PPP2CB: variants seen among roughly 807,000 people sequenced by gnomAD.
PPP2CB encodes the protein serine/threonine-protein phosphatase 2A catalytic subunit beta isoform.
A neutral mutation model predicts 39.1 loss-of-function variants in PPP2CB; 18 were observed. That is an observed-to-expected ratio of 0.46 (90% CI 0.32 to 0.68). PPP2CB has a LOEUF of 0.68. Ranked by LOEUF, PPP2CB falls within the 30% of genes least tolerant of loss-of-function variation. The pLI, the probability that PPP2CB is intolerant of heterozygous loss-of-function variation, is 0.04. For missense variants in PPP2CB, 226 were observed against 396.9 expected, an observed-to-expected ratio of 0.57 and a Z score of 3.66; for synonymous variants, 129 against 133.8, an observed-to-expected ratio of 0.96 and a Z score of 0.25.
chr8:30,794,114 T>C (rs1021127108), intron 4 of PPP2CB, 36 bp from the exon 5 acceptor site: 4 of 1,603,780 alleles, frequency 2.5e-6, no homozygotes, highest in Middle Eastern at 3.3e-4. Context: ...TACAAATTAT[T>C]ATCAGTCATA....
chr8:30,795,115 TTTGA>T (rs1806498669), intron 3 of PPP2CB, among the ~76,000 whole-genome samples: 1 of 150,810 alleles, frequency 6.6e-6, no homozygotes, highest in Admixed American at 6.6e-5. Context: ...TCTTTCTGAT[TTTGA>T]TTTTTTTTTT....
chr8:30,789,854 A>G (rs1441461958), intron 6 of PPP2CB, among the ~76,000 whole-genome samples: 1 of 152,132 alleles, frequency 6.6e-6, no homozygotes, highest in East Asian at 1.9e-4. Flanking sequence ...TCTGGAGGCT[A>G]CAAGTCTGAA....
intron 1 of PPP2CB, 124 bp from the exon 2 acceptor site, chr8:30,799,879 A>G: frequency 1.5e-6 from 1 of 688,186 alleles, no homozygotes. Context: ...AAACCAAACC[A>G]CGAGATAACA....
At chr8:30,802,809 A>C (rs1260275029) in intron 1 of PPP2CB, among the ~76,000 whole-genome samples, 1 of 152,218 alleles carries the variant, frequency 6.6e-6, no homozygotes, top group Non-Finnish European at 1.5e-5. Flanking sequence ...TACATGCTAC[A>C]ATATGGAGGA....
intron 6 of PPP2CB, among the ~76,000 whole-genome samples, chr8:30,788,844 T>C (rs1412542206): frequency 6.6e-6 from 1 of 152,196 alleles, no homozygotes; most frequent in Non-Finnish European, 1.5e-5. Context: ...CACACTTCCT[T>C]GTTCTTTCCA....
chr8:30,805,741 T>C (rs936188359), intron 1 of PPP2CB, among the ~76,000 whole-genome samples: 1 of 152,192 alleles, frequency 6.6e-6, no homozygotes, highest in African/African-American at 2.4e-5. Flanking sequence ...ATAAAAACGA[T>C]TGTCTTTGTA....
At position 30,797,596 on chromosome 8, in the gene PPP2CB, A is replaced by G; in HGVS notation, c.471T>C (p.Ala157=). ...ATATACATACCTGTCCATCTACTAAAGCTGTAAGTGGAAGATAATCAAAGA... is the reference window on the plus strand; with the variant it reads ...ATATACATACCTGTCCATCTACTAAGGCTGTAAGTGGAAGATAATCAAAGA... The part of the protein sequence containing the change: ...TDLFDYLPLT[A]LVDGQIFCLH... Residue 157 remains alanine (A), a synonymous_variant, in exon 3 of 7, where the codon GCT becomes GCC. Coordinates refer to ENST00000221138, the MANE Select transcript of PPP2CB (RefSeq NM_001009552.2). 6.2e-7 allele frequency: 1 copy of G among 1,613,374 alleles called. No homozygotes were observed. Among genetic ancestry groups the G allele is most frequent in the Non-Finnish European group, 8.5e-7 (1 of 1,179,448 alleles).
chr8:30,805,853 A>G (rs1440027328), intron 1 of PPP2CB, among the ~76,000 whole-genome samples: 2 of 152,146 alleles, frequency 1.3e-5, no homozygotes, highest in Admixed American at 1.3e-4. Context: ...GCACCTCAGG[A>G]TTGTCTTTTA....
chr8:30,812,663 C>T lies in PPP2CB; in HGVS notation c.-242G>A, dbSNP rs1586130939. The T allele has an allele frequency of 2.8e-6, 1 of 358,072 alleles. No homozygotes were observed. Among genetic ancestry groups the T allele is most frequent in the East Asian group, 8.7e-5 (1 of 11,436 alleles). The allele number at this position is 358,072 out of a possible 1,614,324, so 22.2% of individuals were successfully genotyped here. A position where few individuals can be genotyped will look rare whatever the true frequency, so the allele number is the denominator to read the frequency against. ...CCCCCGCCCGCCCTTCCCCGCCCGGCCGCGCGCCGCGGGAGTCGGTGAAGG... is the reference window on the plus strand; with the variant it reads ...CCCCCGCCCGCCCTTCCCCGCCCGGTCGCGCGCCGCGGGAGTCGGTGAAGG... On this transcript the variant is annotated 5_prime_UTR_variant, in exon 1 of 7. Coordinates refer to ENST00000221138, the MANE Select transcript of PPP2CB (RefSeq NM_001009552.2).
At chr8:30,802,039 C>G (rs931015711) in intron 1 of PPP2CB, among the ~76,000 whole-genome samples, 5 of 152,136 alleles carry the variant, frequency 3.3e-5, no homozygotes, top group African/African-American at 1.2e-4. Flanking sequence ...TCTTTTGATT[C>G]TAGGCTACCA....
intron 4 of PPP2CB, 49 bp downstream of exon 4, chr8:30,794,143 G>T (rs774665742): frequency 1.2e-6 from 2 of 1,606,552 alleles, no homozygotes. Flanking sequence ...TCCTCAAAAT[G>T]TGGTTATATT....
At position 30,794,087 on chromosome 8, in the gene PPP2CB, G is replaced by C; in HGVS notation, c.577-9C>G. On this transcript the variant is annotated splice_polypyrimidine_tract_variant and intron_variant, in intron 4 of 6. Coordinates refer to ENST00000221138, the MANE Select transcript of PPP2CB (RefSeq NM_001009552.2). ...AGATCACACATTGGGCCCTGGCCAA[G>C]AAAAATAAGTACATGTTACAAATTA... is the stretch of plus-strand genomic sequence containing the variant. The C allele has an allele frequency of 6.2e-7, 1 of 1,602,890 alleles. No homozygotes were observed. Among genetic ancestry groups the C allele is most frequent in the Non-Finnish European group, 8.5e-7 (1 of 1,174,242 alleles).
chr8:30,786,487 T>A, intron 6 of PPP2CB, 180 bp from the exon 7 acceptor site: 1 of 452,304 alleles, frequency 2.2e-6, no homozygotes, highest in Non-Finnish European at 3.8e-6. Flanking sequence ...ACTAACTGCT[T>A]CATAGGGCTA....
chr8:30,788,039 G>T (rs1806372130), intron 6 of PPP2CB, among the ~76,000 whole-genome samples: 1 of 152,010 alleles, frequency 6.6e-6, no homozygotes, highest in South Asian at 2.1e-4. Flanking sequence ...CTAGTGATTT[G>T]GTAATGTGAG....
intron 6 of PPP2CB, among the ~76,000 whole-genome samples, chr8:30,786,733 G>C (rs911148787): frequency 4.1e-5 from 6 of 145,744 alleles, no homozygotes; most frequent in Admixed American, 1.4e-4. Flanking sequence ...GCACGATCTC[G>C]GCTTATTGCA....
At chr8:30,807,819 C>T (rs1163887659) in intron 1 of PPP2CB, among the ~76,000 whole-genome samples, 1 of 152,246 alleles carries the variant, frequency 6.6e-6, no homozygotes, top group African/African-American at 2.4e-5. Flanking sequence ...AATTTCTCTG[C>T]ACACACAAGA....
At chr8:30,791,782 G>A (rs1320784264) in intron 5 of PPP2CB, among the ~76,000 whole-genome samples, 1 of 151,310 alleles carries the variant, frequency 6.6e-6, no homozygotes, top group African/African-American at 2.4e-5. Flanking sequence ...CATATTATTA[G>A]CTATAGTATT....
At chr8:30,809,351 G>A (rs1421266687) in intron 1 of PPP2CB, among the ~76,000 whole-genome samples, 1 of 152,104 alleles carries the variant, frequency 6.6e-6, no homozygotes, top group Non-Finnish European at 1.5e-5. Flanking sequence ...CAGGATGAAT[G>A]CTACACTTGT....
Position 30,796,826 on chromosome 8 carries a change from C to T in PPP2CB, c.486+755G>A, listed in dbSNP as rs190616240. ...TCTGCACTACTTGTTACAGCAAATG[C>T]AGAAATAGCATTTGCTTCTATTTTC... On this transcript the variant is annotated intron_variant, in intron 3 of 6. Coordinates refer to ENST00000221138, the MANE Select transcript of PPP2CB (RefSeq NM_001009552.2). Among the ~76,000 whole-genome samples the T allele has an allele frequency of 7.2e-5, 11 of 152,302 alleles. No homozygotes were observed. In the East Asian group the frequency reaches 1.9e-3, roughly 27 times the overall value.
Sources: gnomAD v4.1 joint callset for allele counts (sites outside exome capture counted in the v4.1 genomes callset) on GRCh38, gnomAD v4.1.1 for gene constraint, MANE v1.5 for transcripts, NCBI Gene and HGNC (gene_info 2026-07-23, HGNC 2026-07-21) for gene names.